Variants in ETFDH observed in about 807,000 individuals in gnomAD.
ETFDH encodes electron transfer flavoprotein-ubiquinone oxidoreductase, mitochondrial.
Under a neutral mutation model 73.2 loss-of-function variants are expected in ETFDH, and 61 were observed. That is an observed-to-expected ratio of 0.83 (90% confidence interval 0.68 to 1.03). The LOEUF (loss-of-function observed/expected upper bound fraction) is 1.03. Ranked by LOEUF, ETFDH falls within the 50% of genes least tolerant of loss-of-function variation. The pLI is 0.00. For missense variants in ETFDH, 685 were observed against 745.0 expected (o/e 0.92, Z 0.94); for synonymous variants, 243 against 253.3 (o/e 0.96, Z 0.39).
chr4:158,680,341 T>C (rs2150304261), intron 1 of ETFDH, 126 bp from the exon 2 acceptor site: 2 of 643,048 alleles, frequency 3.1e-6, no homozygotes, highest in East Asian at 5.5e-5. Flanking sequence ...TTCAAAGTGT[T>C]CACCTAGGAA....
intron 10 of ETFDH, 31 bp downstream of exon 10, chr4:158,703,622 G>T: frequency 7.4e-7 from 1 of 1,346,656 alleles, no homozygotes; most frequent in South Asian, 1.2e-5. Flanking sequence ...GTATACAAAA[G>T]AAAATTGCTG....
chr4:158,698,280 C>T (rs527550086), intron 8 of ETFDH, among the ~76,000 whole-genome samples: 2 of 152,294 alleles, frequency 1.3e-5, no homozygotes, highest in East Asian at 3.9e-4. Flanking sequence ...AGTTTAGTGT[C>T]ATGATTAGAC....
At chr4:158,688,026 C>T (rs772748822) in intron 5 of ETFDH, among the ~76,000 whole-genome samples, 6 of 150,044 alleles carry the variant, frequency 4.0e-5, no homozygotes, top group African/African-American at 1.2e-4. Flanking sequence ...GGTGACAGAG[C>T]GAGATTCCAT....
intron 6 of ETFDH, among the ~76,000 whole-genome samples, chr4:158,692,890 CAT>C (rs1056213642): frequency 2.0e-4 from 18 of 89,666 alleles, no homozygotes; most frequent in African/African-American, 6.2e-4. Context: ...AAAAAAAAAA[CAT>C]ATATATATAT....
At chr4:158,691,997 G>C (rs1229424077) in intron 6 of ETFDH, among the ~76,000 whole-genome samples, 1 of 152,200 alleles carries the variant, frequency 6.6e-6, no homozygotes, top group Non-Finnish European at 1.5e-5. Flanking sequence ...CAGTAAATAT[G>C]TGTCAACTGA....
At chr4:158,677,275 T>A (rs959769337) in intron 1 of ETFDH, among the ~76,000 whole-genome samples, 12 of 152,228 alleles carry the variant, frequency 7.9e-5, no homozygotes, top group Non-Finnish European at 1.5e-4. Flanking sequence ...ACAGCTTGAT[T>A]TTATACATTT....
chr4:158,681,834 G>A (rs902806623), intron 2 of ETFDH: 12 of 333,974 alleles, frequency 3.6e-5, no homozygotes, highest in Non-Finnish European at 6.9e-5. Flanking sequence ...GTTTGTGTAA[G>A]TATACTCTAT....
intron 1 of ETFDH, among the ~76,000 whole-genome samples, chr4:158,673,009 G>A (rs545074031): frequency 2.6e-5 from 4 of 152,226 alleles, no homozygotes; most frequent in South Asian, 4.1e-4. Context: ...TTTCTGCGTT[G>A]TCTAAAATTA....
At position 158,672,380 on chromosome 4, in the gene ETFDH, C is replaced by G. The variant is rs1296122115; in HGVS notation, c.-77C>G. On this transcript the variant is annotated 5_prime_UTR_variant, in exon 1 of 13. Transcript: ENST00000511912. ...GGCAGGTGATGGCGCCCCCCGCGGC[C>G]TAGAGGTCCAGCGCCCGCCGCGAGC... The G allele has an allele frequency of 2.1e-5, 32 of 1,519,318 alleles. No homozygotes were observed. Among genetic ancestry groups the G allele is most frequent in the Admixed American group, 3.3e-5 (2 of 59,882 alleles). 94.1% of individuals were successfully genotyped at this position (1,519,318 alleles called of 1,614,324 possible).
intron 3 of ETFDH, among the ~76,000 whole-genome samples, chr4:158,683,624 G>C (rs1773921972): frequency 6.6e-6 from 1 of 152,046 alleles, no homozygotes; most frequent in African/African-American, 2.4e-5. Context: ...CTGTCACCCA[G>C]GCTGGAGTAC....
At position 158,706,691 on chromosome 4, in the gene ETFDH, G is replaced by A. The variant is rs780768015; in HGVS notation, c.1531G>A (p.Asp511Asn). 3.5e-5 allele frequency: 57 copies of A among 1,613,938 alleles called. No homozygotes were observed. Among genetic ancestry groups the A allele is most frequent in the Admixed American group, 1.2e-4 (7 of 59,980 alleles). ...CACACCTATTGAGTATCCAAAACCC[G>A]ATGGACAGATCAGTTTTGACCTCTT... ...DCTPIEYPKP[D>N]GQISFDLLSS... is the part of the protein sequence containing the mutation. The change falls in exon 12 of 13, where the codon GAT becomes AAT. Residue 511 changes from aspartate to asparagine, a missense_variant. By Grantham distance (23) the Asp-to-Asn change is conservative. Transcript: ENST00000511912.
chr4:158,680,164 A>C (rs1417042856), intron 1 of ETFDH: 1 of 193,184 alleles, frequency 5.2e-6, no homozygotes, highest in Non-Finnish European at 1.1e-5. Context: ...TTTGTGCTTA[A>C]AGCCATTGAC....
chr4:158,697,526 C>T, intron 7 of ETFDH, 33 bp from the exon 8 acceptor site: 1 of 1,590,018 alleles, frequency 6.3e-7, no homozygotes, highest in African/African-American at 1.4e-5. Flanking sequence ...TAAAATACTG[C>T]AGGACTTTTT....
chr4:158,677,565 G>A (rs778404521), intron 1 of ETFDH, among the ~76,000 whole-genome samples: 5 of 152,198 alleles, frequency 3.3e-5, no homozygotes, highest in Non-Finnish European at 7.4e-5. Flanking sequence ...CAGCTTTGCA[G>A]GGCCAATCCA....
At chr4:158,675,515 C>G (rs1322795436) in intron 1 of ETFDH, among the ~76,000 whole-genome samples, 1 of 152,020 alleles carries the variant, frequency 6.6e-6, no homozygotes, top group African/African-American at 2.4e-5. Context: ...ACCTGGAATC[C>G]CAGCGTTTTG....
intron 5 of ETFDH, among the ~76,000 whole-genome samples, chr4:158,689,326 C>G (rs532612576): frequency 6.6e-6 from 1 of 152,056 alleles, no homozygotes; most frequent in South Asian, 2.1e-4. Flanking sequence ...TGCATTTCTC[C>G]TTGTTAAACA....
Position 158,708,941 on chromosome 4 carries a change from G to A in ETFDH, c.*414G>A. The A allele has an allele frequency of 4.9e-6, 1 of 202,448 alleles. No individual in the cohort carries two copies. The highest frequency in any genetic ancestry group is 1.0e-5 in the Non-Finnish European group (1 of 99,172). 12.5% of individuals were successfully genotyped at this position (202,448 alleles called of 1,614,324 possible). ...TACAACTGTGCAGGTGAGTGGGTGT[G>A]ACATTACATGGTCTACAAAGCCTAA... On this transcript the variant is annotated 3_prime_UTR_variant, in exon 13 of 13. Coordinates refer to ENST00000511912, the MANE Select transcript of ETFDH (RefSeq NM_004453.4).
intron 9 of ETFDH, 110 bp downstream of exon 9, chr4:158,699,240 G>A (rs1373876430): frequency 2.0e-5 from 19 of 926,892 alleles, no homozygotes; most frequent in Non-Finnish European, 3.0e-5. Context: ...AATAGGAAAA[G>A]TATGTAGAGT....
intron 5 of ETFDH, among the ~76,000 whole-genome samples, chr4:158,688,468 G>A (rs886450097): frequency 1.3e-5 from 2 of 150,610 alleles, no homozygotes; most frequent in Non-Finnish European, 2.9e-5. Flanking sequence ...GGCGGATCAC[G>A]AGGTCAGGAG....
Sources: gnomAD v4.1 joint callset for allele counts (sites outside exome capture counted in the v4.1 genomes callset) on GRCh38, gnomAD v4.1.1 for gene constraint, MANE v1.5 for transcripts, NCBI Gene and HGNC (gene_info 2026-07-23, HGNC 2026-07-21) for gene names.